The following HS2ST1 variants were observed in gnomAD, a reference collection of about 807,000 sequenced individuals.
HS2ST1 encodes heparan sulfate 2-O-sulfotransferase 1, also known as 2-O-sulfotransferase.
A neutral mutation model predicts 42.9 loss-of-function variants in HS2ST1; 18 were observed. That is an observed-to-expected ratio of 0.42 (90% CI 0.29 to 0.62). The LOEUF (loss-of-function observed/expected upper bound fraction) is 0.62, where lower values mean the gene tolerates loss of function less well. HS2ST1 is among the 20% of genes least tolerant of loss of function. The pLI is 0.21. For synonymous variants in HS2ST1, 146 were observed against 152.9 expected (o/e 0.95, Z 0.33); for missense variants, 334 against 433.8 (o/e 0.77, Z 2.04).
intron 5 of HS2ST1, among the ~76,000 whole-genome samples, chr1:87,100,073 G>A (rs1034719060): frequency 3.9e-5 from 6 of 152,170 alleles, no homozygotes; most frequent in East Asian, 1.9e-4. Context: ...CAGGCAAAGC[G>A]TGCAAGCCGA....
chr1:86,921,346 A>G (rs1181028704), intron 1 of HS2ST1, among the ~76,000 whole-genome samples: 3 of 152,120 alleles, frequency 2.0e-5, no homozygotes. Context: ...AAGTATATGC[A>G]CATTTAGGCT....
At chr1:86,920,670 C>T (rs1401922600) in intron 1 of HS2ST1, among the ~76,000 whole-genome samples, 1 of 152,180 alleles carries the variant, frequency 6.6e-6, no homozygotes, top group African/African-American at 2.4e-5. Context: ...AAAGATTGCT[C>T]TCCAGAAGAC....
intron 1 of HS2ST1, among the ~76,000 whole-genome samples, chr1:87,065,804 T>TCTTA (rs1651233957): frequency 2.0e-5 from 3 of 152,354 alleles, no homozygotes; most frequent in Admixed American, 2.0e-4. Context: ...TTCTGTGTTT[T>TCTTA]CTTACTATAG....
intron 1 of HS2ST1, among the ~76,000 whole-genome samples, chr1:86,979,578 A>G (rs1283090341): frequency 1.3e-5 from 2 of 152,224 alleles, no homozygotes; most frequent in Admixed American, 1.3e-4. Context: ...CATTGAATGT[A>G]TACACATTTT....
intron 1 of HS2ST1, among the ~76,000 whole-genome samples, chr1:86,918,103 G>A (rs1660204454): frequency 6.6e-6 from 1 of 152,058 alleles, no homozygotes; most frequent in Non-Finnish European, 1.5e-5. Flanking sequence ...AATATACCTT[G>A]ATTTGAGAGT....
intron 3 of HS2ST1, among the ~76,000 whole-genome samples, chr1:87,087,174 T>G (rs1035037873): frequency 1.4e-4 from 21 of 152,130 alleles, no homozygotes; most frequent in Non-Finnish European, 1.3e-4. Flanking sequence ...CATTTTGATT[T>G]TCTTCAAACT....
intron 1 of HS2ST1, among the ~76,000 whole-genome samples, chr1:87,017,402 G>T (rs1270294463): frequency 6.6e-6 from 1 of 152,160 alleles, no homozygotes; most frequent in Non-Finnish European, 1.5e-5. Context: ...CTCCCAAAGT[G>T]CTGGGATTAC....
chr1:86,956,086 A>G (rs910815039), intron 1 of HS2ST1, among the ~76,000 whole-genome samples: 2 of 152,236 alleles, frequency 1.3e-5, no homozygotes, highest in African/African-American at 4.8e-5. Flanking sequence ...GTGTGTATAT[A>G]TACATAAGTG....
intron 1 of HS2ST1, among the ~76,000 whole-genome samples, chr1:86,951,135 T>G (rs1304029019): frequency 6.6e-6 from 1 of 152,262 alleles, no homozygotes; most frequent in Admixed American, 6.5e-5. Context: ...ATTTATTCTT[T>G]CCTTTTAATG....
intron 1 of HS2ST1, among the ~76,000 whole-genome samples, chr1:86,935,455 CTT>C (rs552713297): frequency 6.4e-5 from 4 of 62,058 alleles, no homozygotes; most frequent in Non-Finnish European, 8.9e-5. Context: ...TCTTTTTCTC[CTT>C]TTTTTTTTTT....
intron 1 of HS2ST1, among the ~76,000 whole-genome samples, chr1:86,954,129 G>C (rs1036999297): frequency 1.1e-4 from 17 of 150,776 alleles, no homozygotes; most frequent in Non-Finnish European, 2.5e-4. Flanking sequence ...AGGCGGGCAG[G>C]TCACGAGGTC....
Position 86,963,916 on chromosome 1 carries a change from G to T in HS2ST1, c.124+48756G>T, listed in dbSNP as rs542253279. 2.2e-3 allele frequency among the ~76,000 whole-genome samples: 314 copies of T among 145,076 alleles called. 1 individual carries two copies. Among genetic ancestry groups the T allele is most frequent in the Middle Eastern group, 7.0e-3 (2 of 286 alleles). ...GGCGGGGGCTGCCCCCCACCTCCCG[G>T]ACGGGGCGGCTGCTGGGCGGAGACG... On this transcript the variant is annotated intron_variant, in intron 1 of 6. Coordinates refer to ENST00000370550, the MANE Select transcript of HS2ST1 (RefSeq NM_012262.4).
chr1:87,056,965 C>T (rs965651510), intron 1 of HS2ST1, among the ~76,000 whole-genome samples: 4 of 152,168 alleles, frequency 2.6e-5, no homozygotes, highest in African/African-American at 9.7e-5. Flanking sequence ...CTAAAGTACT[C>T]CTTTTCCAAC....
At chr1:87,038,231 G>A (rs900050290) in intron 1 of HS2ST1, among the ~76,000 whole-genome samples, 4 of 152,054 alleles carry the variant, frequency 2.6e-5, no homozygotes, top group Admixed American at 1.3e-4. Context: ...TATAACTACT[G>A]AGGAAAGCAG....
At chr1:87,076,534 TAAAAG>T (rs1330317332) in intron 2 of HS2ST1, among the ~76,000 whole-genome samples, 3 of 152,158 alleles carry the variant, frequency 2.0e-5, no homozygotes, top group African/African-American at 7.2e-5. Flanking sequence ...GTTGAAAAGT[TAAAAG>T]AAGGATATTA....
intron 1 of HS2ST1, among the ~76,000 whole-genome samples, chr1:86,998,586 T>A (rs534983241): frequency 2.0e-5 from 3 of 152,308 alleles, no homozygotes; most frequent in Admixed American, 6.5e-5. Context: ...TGGCTTTTAA[T>A]AAGGTAGATT....
At chr1:87,043,835 ATTTAG>A (rs1287962199) in intron 1 of HS2ST1, among the ~76,000 whole-genome samples, 1 of 152,102 alleles carries the variant, frequency 6.6e-6, no homozygotes, top group African/African-American at 2.4e-5. Flanking sequence ...AATATTTAAT[ATTTAG>A]TTGGGTGACT....
At chr1:87,043,342 A>G (rs770173582) in intron 1 of HS2ST1, among the ~76,000 whole-genome samples, 3 of 152,098 alleles carry the variant, frequency 2.0e-5, no homozygotes, top group Non-Finnish European at 2.9e-5. Context: ...AAGATTAACA[A>G]TGTAGAATAC....
At chr1:86,930,841 A>G (rs1302043440) in intron 1 of HS2ST1, among the ~76,000 whole-genome samples, 1 of 152,038 alleles carries the variant, frequency 6.6e-6, no homozygotes, top group East Asian at 1.9e-4. Context: ...AGGTGCTTGT[A>G]GTAATGTTGG....
Sources: gnomAD v4.1 joint callset for allele counts (sites outside exome capture counted in the v4.1 genomes callset) on GRCh38, gnomAD v4.1.1 for gene constraint, MANE v1.5 for transcripts, NCBI Gene and HGNC (gene_info 2026-07-23, HGNC 2026-07-21) for gene names.